ARHGAP5: variants seen among roughly 807,000 people sequenced by gnomAD.
ARHGAP5 encodes the protein Rho GTPase activating protein 5, also known as rho GTPase-activating protein 5.
A neutral mutation model predicts 116.6 loss-of-function variants in ARHGAP5; 23 were observed. The ratio of observed to expected loss-of-function variants is 0.20; its 90% CI spans 0.14 to 0.28. The LOEUF (loss-of-function observed/expected upper bound fraction) is 0.28, where lower values mean the gene tolerates loss of function less well. ARHGAP5 is among the 10% of genes least tolerant of loss of function. The pLI is 1.00. For missense variants in ARHGAP5, 1,405 were observed against 1,774.8 expected, an observed-to-expected ratio of 0.79 and a Z score of 3.74; for synonymous variants, 574 against 602.0, an observed-to-expected ratio of 0.95 and a Z score of 0.68.
chr14:32,077,669 A>G (rs1346968966), intron 1 of ARHGAP5, among the ~76,000 whole-genome samples: 1 of 151,686 alleles, frequency 6.6e-6, no homozygotes, highest in Non-Finnish European at 1.5e-5. Flanking sequence ...AGGCCGGGGG[A>G]GGGGGTGCTT....
chr14:32,092,614 T>C lies in ARHGAP5; in HGVS notation c.1945T>C (p.Trp649Arg), dbSNP rs750015707. 1.2e-6 allele frequency: 2 copies of C among 1,613,996 alleles called. No homozygotes were observed. The highest frequency in any genetic ancestry group is 2.2e-5 in the East Asian group (1 of 44,890). ...ATCGCCTTACTTTTTGAGTCAGTTA[T>C]GGACTGCCGCCTTTAAACCACATGG... is the stretch of plus-strand genomic sequence containing the variant. ...AKSPYFLSQL[W>R]TAAFKPHGCF... The change falls in exon 2 of 7, where the codon TGG (tryptophan) becomes CGG (arginine). Residue 649 changes from tryptophan (W) to arginine (R), a missense_variant. Trp to Arg is a moderately radical substitution (Grantham distance 101, BLOSUM62 -3). This residue lies in a region of ARHGAP5 where 944 missense variants were observed against 1,095.3 expected (regional missense o/e 0.86). Transcript: ENST00000345122. The surrounding 1 kb of genome is among the most constrained non-coding windows in gnomAD (Gnocchi z 4.1).
chr14:32,124,529 T>C (rs974805463), intron 3 of ARHGAP5, among the ~76,000 whole-genome samples: 4 of 152,258 alleles, frequency 2.6e-5, no homozygotes, highest in Admixed American at 2.6e-4. Context: ...ATAGGTCTTT[T>C]TGAGGAGTTA....
intron 3 of ARHGAP5, among the ~76,000 whole-genome samples, chr14:32,138,218 G>A (rs926009244): frequency 6.6e-6 from 1 of 151,906 alleles, no homozygotes; most frequent in Non-Finnish European, 1.5e-5. Flanking sequence ...TAACTTTTAT[G>A]TGTTGATCTT....
chr14:32,132,413 C>T (rs1880551570), intron 3 of ARHGAP5, among the ~76,000 whole-genome samples: 1 of 152,150 alleles, frequency 6.6e-6, no homozygotes, highest in African/African-American at 2.4e-5. Flanking sequence ...ATGTCCTTTG[C>T]CCACTTTTTG....
chr14:32,143,957 C>G (rs1256264186), intron 3 of ARHGAP5, among the ~76,000 whole-genome samples: 1 of 152,182 alleles, frequency 6.6e-6, no homozygotes, highest in Non-Finnish European at 1.5e-5. Context: ...ACAATTTTGA[C>G]AACCAAAAAT....
In ARHGAP5 at chr14:32,158,553, CTG is replaced by C. The variant is rs1461265202; in HGVS notation, c.*3606_*3607del. The C allele has an allele frequency of 1.3e-5, 2 of 151,902 alleles. No individual in the cohort carries two copies. The highest frequency in any genetic ancestry group is 2.9e-5 in the Non-Finnish European group (2 of 67,868). The allele number at this position is 151,902 out of a possible 1,614,324, so 9.4% of individuals were successfully genotyped here. ...AAATTTTGTGGTATATGTTGTCAGT[CTG>C]GATCTGGTGAGGTCTGTTCAACATG... On this transcript the variant is annotated 3_prime_UTR_variant, in exon 7 of 7. Transcript: ENST00000345122.
intron 3 of ARHGAP5, among the ~76,000 whole-genome samples, chr14:32,118,579 G>C (rs1395373601): frequency 6.6e-6 from 1 of 151,694 alleles, no homozygotes; most frequent in Non-Finnish European, 1.5e-5. Flanking sequence ...CAGTTAATAA[G>C]TGTTAATTTA....
chr14:32,090,651 G>C lies in ARHGAP5; in HGVS notation c.-19G>C. 1 of 1,551,262 alleles carries C rather than the reference G, an allele frequency of 6.4e-7. No individual in the cohort carries two copies. The highest frequency in any genetic ancestry group is 8.7e-7 in the Non-Finnish European group (1 of 1,150,212). On this transcript the variant is annotated 5_prime_UTR_variant, in exon 2 of 7. It removes the in-frame stop codon of an upstream open reading frame in the 5' UTR. Coordinates refer to ENST00000345122, the MANE Select transcript of ARHGAP5 (RefSeq NM_001030055.2). The stretch of plus-strand genomic sequence containing the variant: ...ATATCTGGTTACCTTTATGAATGTA[G>C]AGACATGAGAAGAGAGTTATGATGG...
chr14:32,112,258 A>AT (rs1199647635), intron 2 of ARHGAP5, among the ~76,000 whole-genome samples: 1 of 152,146 alleles, frequency 6.6e-6, no homozygotes, highest in Non-Finnish European at 1.5e-5. Flanking sequence ...CTGGTGAAGC[A>AT]TTTGAGGTGT....
intron 1 of ARHGAP5, among the ~76,000 whole-genome samples, chr14:32,080,056 G>A (rs1426832593): frequency 6.6e-6 from 1 of 152,090 alleles, no homozygotes; most frequent in African/African-American, 2.4e-5. Flanking sequence ...TCAGGCTCTT[G>A]TTTTAAGTGC....
At chr14:32,116,596 ATAAG>A (rs988716526) in intron 2 of ARHGAP5, among the ~76,000 whole-genome samples, 9 of 152,198 alleles carry the variant, frequency 5.9e-5, no homozygotes, top group African/African-American at 2.2e-4. Context: ...CCATCTCAAA[ATAAG>A]TAAATAAATA....
Position 32,091,881 on chromosome 14 carries a change from C to G in ARHGAP5, c.1212C>G (p.Leu404=). Residue 404 remains leucine, a synonymous_variant, in exon 2 of 7, where the codon CTC becomes CTG. Transcript: ENST00000345122. ...ATGATAGGCGGATTCCATTTGACCTCCTGAGCACTTTAGAAGCTGAAAAAG... is the reference window on the plus strand; with the variant it reads ...ATGATAGGCGGATTCCATTTGACCTGCTGAGCACTTTAGAAGCTGAAAAAG... ...KINDRRIPFD[L]LSTLEAEKVY... The G allele has an allele frequency of 6.2e-7, 1 of 1,613,490 alleles. No individual in the cohort carries two copies. The highest frequency in any genetic ancestry group is 1.1e-5 in the South Asian group (1 of 91,026).
chr14:32,127,927 G>A (rs1441563626), intron 3 of ARHGAP5, among the ~76,000 whole-genome samples: 1 of 149,206 alleles, frequency 6.7e-6, no homozygotes, highest in Admixed American at 6.7e-5. Context: ...GTTCCCAGAC[G>A]TGGTCACGGC....
At chr14:32,084,961 A>G (rs1394373196) in intron 1 of ARHGAP5, among the ~76,000 whole-genome samples, 1 of 151,904 alleles carries the variant, frequency 6.6e-6, no homozygotes, top group Non-Finnish European at 1.5e-5. Context: ...GTAAGCTATG[A>G]TCCTGCCACT....
chr14:32,092,296 C>T lies in ARHGAP5; in HGVS notation c.1627C>T (p.Leu543Phe), dbSNP rs775249642. 1.2e-6 allele frequency: 2 copies of T among 1,613,758 alleles called. No homozygotes were observed. The highest frequency in any genetic ancestry group is 1.7e-6 in the Non-Finnish European group (2 of 1,179,822). ...KLAPDRESLL[L>F]KHIGFVYHPT... ...TGCACCTGATAGGGAATCCCTTCTA[C>T]TTAAGCATATAGGATTTGTTTATCA... Residue 543 changes from leucine (L) to phenylalanine (F), a missense_variant, in exon 2 of 7, where the codon CTT becomes TTT. Leu to Phe is a conservative substitution (Grantham distance 22, BLOSUM62 0). Coordinates refer to ENST00000345122, the MANE Select transcript of ARHGAP5 (RefSeq NM_001030055.2). The surrounding 1 kb of genome is among the most constrained non-coding windows in gnomAD (Gnocchi z 4.1).
intron 2 of ARHGAP5, among the ~76,000 whole-genome samples, chr14:32,111,854 T>A (rs2139057572): frequency 6.8e-6 from 1 of 146,770 alleles, no homozygotes; most frequent in South Asian, 2.2e-4. Flanking sequence ...TTTTTTTTTT[T>A]TTTTTTTTGA....
rs768555782 is a variant in ARHGAP5 at position 32,117,165 on chromosome 14, A to G, written c.3743A>G (p.Asn1248Ser). The change falls in exon 3 of 7, where the codon AAT (asparagine) becomes AGT (serine). Residue 1248 changes from asparagine to serine, a missense_variant. By Grantham distance (46) the Asn-to-Ser change is conservative (BLOSUM62 1). Around this residue, in one of 6 missense-constraint regions of ARHGAP5, gnomAD observed 176 missense variants for 221.2 expected, o/e 0.80. Transcript: ENST00000345122. Reference sequence around the variant, plus strand: ...CAGAAAAAGAAAACTAAGAACTTCAATCCACCAACACGTAGAAATTGGGAA... The same window carrying G: ...CAGAAAAAGAAAACTAAGAACTTCAGTCCACCAACACGTAGAAATTGGGAA... ...KKQKKKTKNF[N>S]PPTRRNWESN... is the part of the protein sequence containing the mutation. 18 of 1,606,086 alleles carry G rather than the reference A, an allele frequency of 1.1e-5. No homozygotes were observed. The highest frequency in any genetic ancestry group is 1.7e-5 in the Admixed American group (1 of 58,680).
At position 32,111,057 on chromosome 14, in the gene ARHGAP5, C is replaced by T. The variant is rs1201518335; in HGVS notation, c.3718-6083C>T. 2.0e-5 allele frequency among the ~76,000 whole-genome samples: 3 copies of T among 152,304 alleles called. 1 individual carries two copies. The South Asian group carries it at 6.2e-4, about 32-fold the overall frequency. On this transcript the variant is annotated intron_variant, in intron 2 of 6. Transcript: ENST00000345122. The stretch of plus-strand genomic sequence containing the variant: ...AGCTGCGCTGGAAGTAATAATTTAG[C>T]TTATCAGCATATAGATGATGTTACC...
intron 3 of ARHGAP5, among the ~76,000 whole-genome samples, chr14:32,142,880 G>A (rs1264524803): frequency 1.3e-5 from 2 of 152,118 alleles, no homozygotes; most frequent in Non-Finnish European, 2.9e-5. Flanking sequence ...TTTGTTGGGG[G>A]ACTGAGTCCT....
Sources: gnomAD v4.1 joint callset for allele counts (sites outside exome capture counted in the v4.1 genomes callset) on GRCh38, gnomAD v4.1.1 for gene constraint, gnomAD v4.1.1 regional missense constraint, Gnocchi (gnomAD v3.1) non-coding constraint, MANE v1.5 for transcripts, NCBI Gene and HGNC (gene_info 2026-07-23, HGNC 2026-07-21) for gene names.